The following CSMD1 variants were observed in gnomAD, a reference collection of about 807,000 sequenced individuals.
CSMD1 encodes the protein CUB and sushi domain-containing protein 1.
CSMD1 carries 213 observed loss-of-function variants against 417.5 expected under a neutral mutation model. The observed-to-expected ratio is 0.51, with a 90% CI of 0.46 to 0.57. CSMD1 has a LOEUF of 0.57. Among genes scored for constraint, CSMD1 ranks in the 20% least tolerant of loss-of-function variants. The pLI is 0.00. For missense variants in CSMD1, 6,923 were observed against 4,529.7 expected (o/e 1.53, Z -15.17); for synonymous variants, 2,862 against 1,736.8 (o/e 1.65, Z -16.11).
chr8:3,501,532 A>G (rs1177517126), intron 10 of CSMD1, among the ~76,000 whole-genome samples: 1 of 152,226 alleles, frequency 6.6e-6, no homozygotes. Context: ...TAATTTATAA[A>G]TGCTTTAATT....
chr8:4,342,578 C>A (rs1387384260), intron 3 of CSMD1, among the ~76,000 whole-genome samples: 1 of 151,932 alleles, frequency 6.6e-6, no homozygotes, highest in Non-Finnish European at 1.5e-5. Context: ...ATGGACACTT[C>A]CCCATAAGGT....
intron 46 of CSMD1, 27 bp from the exon 47 acceptor site, chr8:3,097,064 T>C: frequency 6.7e-7 from 1 of 1,486,632 alleles, no homozygotes. Context: ...CAGCAAAAGT[T>C]TGCTTTAATA....
At chr8:4,173,035 T>C (rs964798024) in intron 3 of CSMD1, among the ~76,000 whole-genome samples, 2 of 152,282 alleles carry the variant, frequency 1.3e-5, no homozygotes, top group Non-Finnish European at 2.9e-5. Flanking sequence ...TAGCCCCTAA[T>C]ATTGCAAGAA....
intron 7 of CSMD1, among the ~76,000 whole-genome samples, chr8:3,706,109 G>A (rs946821799): frequency 2.6e-5 from 4 of 152,204 alleles, no homozygotes; most frequent in Non-Finnish European, 5.9e-5. Context: ...CTCCCCTACC[G>A]TTCGCCCCGT....
chr8:3,548,877 T>C (rs913220365), intron 10 of CSMD1, among the ~76,000 whole-genome samples: 1 of 152,110 alleles, frequency 6.6e-6, no homozygotes. Context: ...TCCCGCTCCC[T>C]ACCCCGAGTC....
chr8:3,044,571 C>T (rs1259251019), intron 50 of CSMD1, among the ~76,000 whole-genome samples: 1 of 152,010 alleles, frequency 6.6e-6, no homozygotes, highest in Non-Finnish European at 1.5e-5. Context: ...CTTCTTTCAT[C>T]ATGTCATTAG....
At chr8:4,184,945 C>G (rs1022047631) in intron 3 of CSMD1, among the ~76,000 whole-genome samples, 1 of 151,506 alleles carries the variant, frequency 6.6e-6, no homozygotes, top group Non-Finnish European at 1.5e-5. Flanking sequence ...CAAGACCAGC[C>G]TCCCCAATGT....
At chr8:4,673,515 T>G (rs1393817247) in intron 1 of CSMD1, among the ~76,000 whole-genome samples, 1 of 152,140 alleles carries the variant, frequency 6.6e-6, no homozygotes, top group East Asian at 1.9e-4. Context: ...TTGGAAGAGT[T>G]TCCTACAAAA....
chr8:4,315,920 C>T (rs550532767), intron 3 of CSMD1, among the ~76,000 whole-genome samples: 1 of 152,030 alleles, frequency 6.6e-6, no homozygotes, highest in African/African-American at 2.4e-5. Flanking sequence ...CTCAAATGTA[C>T]AAAATGAAAT....
intron 1 of CSMD1, among the ~76,000 whole-genome samples, chr8:4,888,793 C>A (rs1439477019): frequency 6.6e-6 from 1 of 152,012 alleles, no homozygotes; most frequent in African/African-American, 2.4e-5. Flanking sequence ...CAGGACATAT[C>A]AAAAGGTCAC....
At chr8:4,419,499 G>C (rs557137891) in intron 3 of CSMD1, among the ~76,000 whole-genome samples, 31 of 152,046 alleles carry the variant, frequency 2.0e-4, no homozygotes, top group Non-Finnish European at 3.5e-4. Flanking sequence ...TCAAACAACA[G>C]TAAAAGCAAA....
intron 7 of CSMD1, among the ~76,000 whole-genome samples, chr8:3,697,216 T>C (rs1800602724): frequency 6.6e-6 from 1 of 152,182 alleles, no homozygotes; most frequent in Non-Finnish European, 1.5e-5. Flanking sequence ...CTTATTTCTC[T>C]CCAGAAAATG....
At chr8:4,795,668 G>T (rs895921483) in intron 1 of CSMD1, among the ~76,000 whole-genome samples, 3 of 152,042 alleles carry the variant, frequency 2.0e-5, no homozygotes, top group South Asian at 2.1e-4. Flanking sequence ...GTACAATATG[G>T]AAAATAATTA....
intron 7 of CSMD1, among the ~76,000 whole-genome samples, chr8:3,688,454 T>A (rs977030831): frequency 2.0e-5 from 3 of 152,230 alleles, no homozygotes; most frequent in African/African-American, 7.2e-5. Context: ...GGCAAATGAC[T>A]CATCCTACGT....
At chr8:3,913,931 A>C (rs1023257873) in intron 5 of CSMD1, among the ~76,000 whole-genome samples, 16 of 152,142 alleles carry the variant, frequency 1.1e-4, no homozygotes, top group African/African-American at 3.4e-4. Flanking sequence ...GGACTCAAAT[A>C]AATTAACGAT....
intron 1 of CSMD1, among the ~76,000 whole-genome samples, chr8:4,797,100 A>T (rs1798021110): frequency 6.6e-6 from 1 of 152,214 alleles, no homozygotes; most frequent in Non-Finnish European, 1.5e-5. Flanking sequence ...GAATCGAATC[A>T]GAGATGAATA....
intron 3 of CSMD1, among the ~76,000 whole-genome samples, chr8:4,090,351 G>C (rs917136715): frequency 6.6e-6 from 1 of 152,152 alleles, no homozygotes; most frequent in African/African-American, 2.4e-5. Flanking sequence ...TATCTATCAT[G>C]CCTTAAAAAT....
chr8:3,092,872 A>T (rs1170183724), intron 47 of CSMD1, among the ~76,000 whole-genome samples: 4 of 151,472 alleles, frequency 2.6e-5, no homozygotes, highest in Non-Finnish European at 4.4e-5. Context: ...CTCCTAGGGA[A>T]CACATTATGG....
chr8:3,924,457 A>C (rs540071379), intron 5 of CSMD1, among the ~76,000 whole-genome samples: 1 of 152,066 alleles, frequency 6.6e-6, no homozygotes, highest in Non-Finnish European at 1.5e-5. Flanking sequence ...TAAGAAATTT[A>C]TCTTTCTCTG....
Sources: allele counts gnomAD v4.1 joint callset (sites outside exome capture counted in the v4.1 genomes callset), GRCh38; gene constraint gnomAD v4.1.1; transcripts MANE v1.5; gene names NCBI Gene and HGNC (gene_info 2026-07-23, HGNC 2026-07-21).